The following LAMB2 variants were observed in gnomAD, a reference collection of about 807,000 sequenced individuals.
LAMB2 encodes the protein laminin subunit beta-2.
A neutral mutation model predicts 202.7 loss-of-function variants in LAMB2; 119 were observed. That is an observed-to-expected ratio of 0.59 (90% CI 0.51 to 0.68). The LOEUF is 0.68. Among genes scored for constraint, LAMB2 ranks in the 30% least tolerant of loss-of-function variants. LAMB2 has a pLI of 0.00. For synonymous variants in LAMB2, 818 were observed against 902.2 expected, an observed-to-expected ratio of 0.91 and a Z score of 1.67; for missense variants, 2,124 against 2,410.6, an observed-to-expected ratio of 0.88 and a Z score of 2.49.
rs1423710555 is a variant in LAMB2, at chr3:49,129,796, G to A, written c.1405+43C>T. ...CAGCTGAGTCAGGAGTAAGAGGACA[G>A]GGGTTAAAGGTCAGCATAGAAGTTA... is the stretch of plus-strand genomic sequence containing the variant. On this transcript the variant is annotated intron_variant, in intron 10 of 31. Transcript: ENST00000305544. This position sits in a 1 kb window ranked among gnomAD's most constrained non-coding sequence, Gnocchi z 6.1. The A allele has an allele frequency of 6.2e-6, 10 of 1,612,168 alleles. No homozygotes were observed. The highest frequency in any genetic ancestry group is 8.5e-6 in the Non-Finnish European group (10 of 1,178,560).
rs1282254030 is a variant in LAMB2, at chr3:49,130,292, G to C, written c.1164C>G (p.Leu388=). 1 of 1,614,210 alleles carries C rather than the reference G, an allele frequency of 6.2e-7. No homozygotes were observed. The highest frequency in any genetic ancestry group is 1.7e-5 in the Admixed American group (1 of 60,026). Reference sequence around the variant, plus strand: ...GGTCACGGTAGAAGAAGGGCCGACAGAGCTCACAGTGGCGCCCAGCTGTGT... The same window carrying C: ...GGTCACGGTAGAAGAAGGGCCGACACAGCTCACAGTGGCGCCCAGCTGTGT... The part of the protein sequence containing the change: ...QHNTAGRHCE[L]CRPFFYRDPT... Residue 388 remains leucine (L), a synonymous_variant, in exon 9 of 32, where the codon CTC becomes CTG. Coordinates refer to ENST00000305544, the MANE Select transcript of LAMB2 (RefSeq NM_002292.4). This position sits in a 1 kb window ranked among gnomAD's most constrained non-coding sequence, Gnocchi z 5.0.
Position 49,129,373 on chromosome 3 carries a change from T to C in LAMB2, c.1519-49A>G. On this transcript the variant is annotated intron_variant, in intron 11 of 31. Coordinates refer to ENST00000305544, the MANE Select transcript of LAMB2 (RefSeq NM_002292.4). The surrounding 1 kb of genome is among the most constrained non-coding windows in gnomAD (Gnocchi z 6.1). ...GCCAGAAACAGACCTCCAGACCCCA[T>C]CACCACCCAGCAGGAAATCCCAACC... is the stretch of plus-strand genomic sequence containing the variant. 3 of 1,521,966 alleles carry C rather than the reference T, an allele frequency of 2.0e-6. No homozygotes were observed. Among genetic ancestry groups the C allele is most frequent in the Non-Finnish European group, 2.7e-6 (3 of 1,103,326 alleles). 94.3% of individuals were successfully genotyped at this position (1,521,966 alleles called of 1,614,324 possible).
chr3:49,131,155 G>A lies in LAMB2; in HGVS notation c.713-3C>T, dbSNP rs775876911. The A allele has an allele frequency of 1.7e-5, 28 of 1,613,178 alleles. No individual in the cohort carries two copies. The Admixed American group carries it at 4.7e-4, about 27-fold the overall frequency. ...TAGGTTGGTGATCTTCAACAGGTCT[G>A]AGGCGGGGGAAGGGGGGCCAACTGA... On this transcript the variant is annotated splice_polypyrimidine_tract_variant and splice_region_variant and intron_variant, in intron 6 of 31. Transcript: ENST00000305544. This position sits in a 1 kb window ranked among gnomAD's most constrained non-coding sequence, Gnocchi z 5.0.
Position 49,130,147 on chromosome 3 carries a change from T to C in LAMB2, c.1225+84A>G. 1 of 1,593,150 alleles carries C rather than the reference T, an allele frequency of 6.3e-7. No individual in the cohort carries two copies. The highest frequency in any genetic ancestry group is 1.1e-5 in the South Asian group (1 of 90,186). On this transcript the variant is annotated intron_variant, in intron 9 of 31. Coordinates refer to ENST00000305544, the MANE Select transcript of LAMB2 (RefSeq NM_002292.4). The surrounding 1 kb of genome is among the most constrained non-coding windows in gnomAD (Gnocchi z 5.0). ...TCTATCCCAAGCCCCTAACCCCAAT[T>C]TCCTGCAATTTAGACAGCAGTCCAG...
In LAMB2 at chr3:49,130,087, G is replaced by C; in HGVS notation, c.1226-69C>G. On this transcript the variant is annotated intron_variant, in intron 9 of 31. Coordinates refer to ENST00000305544, the MANE Select transcript of LAMB2 (RefSeq NM_002292.4). The surrounding 1 kb of genome is among the most constrained non-coding windows in gnomAD (Gnocchi z 5.0). ...TAGCTCACTGCCAGTCCTCTCCTAA[G>C]CCTAAGGGATCCCACCCTGGATCCC... 1 of 1,589,522 alleles carries C rather than the reference G, an allele frequency of 6.3e-7. No individual in the cohort carries two copies. Among genetic ancestry groups the C allele is most frequent in the Non-Finnish European group, 8.6e-7 (1 of 1,158,534 alleles).
chr3:49,124,928 G>A lies in LAMB2; in HGVS notation c.2885-3C>T. 3 of 1,614,006 alleles carry A rather than the reference G, an allele frequency of 1.9e-6. No individual in the cohort carries two copies. Among genetic ancestry groups the A allele is most frequent in the Non-Finnish European group, 2.5e-6 (3 of 1,180,024 alleles). On this transcript the variant is annotated splice_region_variant and splice_polypyrimidine_tract_variant and intron_variant, in intron 20 of 31. Transcript: ENST00000305544. ...GGCACAAGCTTCACATCGCAGCCCT[G>A]CCCACGGTTAAGAGGAAGCTGTGAG...
In LAMB2 at chr3:49,121,566, C is replaced by A; in HGVS notation, c.5127G>T (p.Gln1709His). 6.2e-7 allele frequency: 1 copy of A among 1,614,026 alleles called. No homozygotes were observed. Among genetic ancestry groups the A allele is most frequent in the South Asian group, 1.1e-5 (1 of 91,086 alleles). Residue 1709 changes from glutamine (Q) to histidine (H), a missense_variant, in exon 31 of 32, where the codon CAG (glutamine) becomes CAT (histidine). Physicochemically the swap from Gln to His is conservative, Grantham distance 24. Transcript: ENST00000305544. ...CAGCTAGGGCCTTCACCGTCTGGTA[C>A]TGATCACCCAGAGGACCGCGTAGCA... is the stretch of plus-strand genomic sequence containing the variant. ...EQLLRGPLGD[Q>H]YQTVKALAER...
chr3:49,122,945 C>T lies in LAMB2; in HGVS notation c.4332G>A (p.Gly1444=), dbSNP rs1229573714. 5 of 1,608,976 alleles carry T rather than the reference C, an allele frequency of 3.1e-6. No individual in the cohort carries two copies. The highest frequency in any genetic ancestry group is 4.2e-6 in the Non-Finnish European group (5 of 1,179,950). The change falls in exon 27 of 32, where the codon GGG becomes GGA. Residue 1444 remains glycine (G), a synonymous_variant. Coordinates refer to ENST00000305544, the MANE Select transcript of LAMB2 (RefSeq NM_002292.4). ...QPRCGGLSCN[G]AAATADLALG... ...GTGCTAGGTCTGCTGTAGCCGCTGC[C>T]CCATTGCAGCTGAGGCCCCCACAGC...
In LAMB2 at chr3:49,125,338, A is replaced by T. The variant is rs1488914949; in HGVS notation, c.2635T>A (p.Cys879Ser). Residue 879 changes from cysteine (C) to serine (S), a missense_variant, in exon 19 of 32, where the codon TGC becomes AGC. Coordinates refer to ENST00000305544, the MANE Select transcript of LAMB2 (RefSeq NM_002292.4). ...WGFPSCRPCV[C>S]NGHADECNTH... ...TTGCACTCATCTGCATGCCCATTGC[A>T]GACACATGGCCGGCAGCTAGGGAAT... 2.5e-6 allele frequency: 4 copies of T among 1,614,090 alleles called. No individual in the cohort carries two copies. The highest frequency in any genetic ancestry group is 3.4e-6 in the Non-Finnish European group (4 of 1,180,042).
At position 49,130,944 on chromosome 3, in the gene LAMB2, C is replaced by T. The variant is rs2071677; in HGVS notation, c.915+6G>A. ...AGCCCTATCCCAACCGTCTGAAGCC[C>T]CTTACCATGCCCTCAGCATGGGCTG... On this transcript the variant is annotated splice_donor_region_variant and intron_variant, in intron 7 of 31. Transcript: ENST00000305544. This position sits in a 1 kb window ranked among gnomAD's most constrained non-coding sequence, Gnocchi z 5.0. The T allele has an allele frequency of 3.3e-4, 533 of 1,614,132 alleles. 9 individuals carry two copies. In the East Asian group the frequency reaches 0.012, roughly 35 times the overall value.
chr3:49,127,398 A>G (rs2045426535), intron 15 of LAMB2, among the ~76,000 whole-genome samples: 1 of 152,204 alleles, frequency 6.6e-6, no homozygotes, highest in Non-Finnish European at 1.5e-5. Flanking sequence ...TACATGGTCA[A>G]AAACTAAAAG....
Position 49,132,507 on chromosome 3 carries a change from A to G in LAMB2, c.233T>C (p.Ile78Thr). 6.2e-7 allele frequency: 1 copy of G among 1,613,920 alleles called. No individual in the cohort carries two copies. Among genetic ancestry groups the G allele is most frequent in the East Asian group, 2.2e-5 (1 of 44,878 alleles). Residue 78 changes from isoleucine to threonine, a missense_variant, in exon 2 of 32, where the codon ATC (isoleucine) becomes ACC (threonine). Transcript: ENST00000305544. This position sits in a 1 kb window ranked among gnomAD's most constrained non-coding sequence, Gnocchi z 4.6. ...CGLNGPQPYC[I>T]VSHLQDEKKC... Reference sequence around the variant, plus strand: ...CAGCCACACCTGCAGGTGACTGACGATGCAGTAGGGCTGGGGGCCATTCAG... The same window carrying G: ...CAGCCACACCTGCAGGTGACTGACGGTGCAGTAGGGCTGGGGGCCATTCAG...
rs746676662 is a variant in LAMB2, at chr3:49,128,706, C to A, written c.1845G>T (p.Val615=). Residue 615 remains valine (V), a synonymous_variant, in exon 14 of 32, where the codon GTG becomes GTT. Transcript: ENST00000305544. Reference sequence around the variant, plus strand: ...GCAGGTCATAGTCCATAGCCTTCGGCACAGAGGCCACCAGGAACTCCAGGG... The same window carrying A: ...GCAGGTCATAGTCCATAGCCTTCGGAACAGAGGCCACCAGGAACTCCAGGG... The part of the protein sequence containing the change: ...GQTLEFLVAS[V]PKAMDYDLLL... 2.5e-6 allele frequency: 4 copies of A among 1,614,180 alleles called. No homozygotes were observed. In the Admixed American group the frequency reaches 6.7e-5, roughly 27 times the overall value.
rs757315687 is a variant in LAMB2, at chr3:49,126,351, A to T, written c.2151+14T>A. On this transcript the variant is annotated intron_variant, in intron 16 of 31. Coordinates refer to ENST00000305544, the MANE Select transcript of LAMB2 (RefSeq NM_002292.4). ...TGCCATCTTGGTTGGTGTGGGCAAG[A>T]GGAGATTATTCACCGAGTCAATGAG... The T allele has an allele frequency of 6.2e-7, 1 of 1,614,148 alleles. No homozygotes were observed. Among genetic ancestry groups the T allele is most frequent in the Non-Finnish European group, 8.5e-7 (1 of 1,180,026 alleles).
In LAMB2 at chr3:49,122,779, C is replaced by G. The variant is rs1029156575; in HGVS notation, c.4498G>C (p.Ala1500Pro). 1 of 1,614,108 alleles carries G rather than the reference C, an allele frequency of 6.2e-7. No individual in the cohort carries two copies. The highest frequency in any genetic ancestry group is 1.6e-4 in the Middle Eastern group (1 of 6,062). The part of the protein sequence containing the change: ...RAQAALDKAN[A>P]SRGQVEQANQ... ...GCCTGTTCCACCTGTCCCCTGGAAGCATTAGCCTTGTCCAGGGCTGCCTGG... is the reference window on the plus strand; with the variant it reads ...GCCTGTTCCACCTGTCCCCTGGAAGGATTAGCCTTGTCCAGGGCTGCCTGG... The change falls in exon 27 of 32, where the codon GCT (alanine) becomes CCT (proline). Residue 1500 changes from alanine to proline, a missense_variant. By Grantham distance (27) the Ala-to-Pro change is conservative (BLOSUM62 -1). Around this residue, in one of 3 missense-constraint regions of LAMB2, gnomAD observed 1,702 missense variants for 1,896.3 expected, o/e 0.90. Coordinates refer to ENST00000305544, the MANE Select transcript of LAMB2 (RefSeq NM_002292.4).
Position 49,123,592 on chromosome 3 carries a change from G to C in LAMB2, c.3837C>G (p.Leu1279=), listed in dbSNP as rs775950352. 2 of 1,614,052 alleles carry C rather than the reference G, an allele frequency of 1.2e-6. No homozygotes were observed. The highest frequency in any genetic ancestry group is 1.7e-6 in the Non-Finnish European group (2 of 1,180,048). The part of the protein sequence containing the change: ...IGEATEHLTQ[L]EADLTDVQDE... ...CTTGCACATCTGTCAGGTCTGCCTC[G>C]AGCTGAGTCAGGTGCTCAGTGGCCT... Residue 1279 remains leucine (L), a synonymous_variant, in exon 25 of 32, where the codon CTC becomes CTG. Transcript: ENST00000305544.
intron 22 of LAMB2, 21 bp from the exon 23 acceptor site, chr3:49,124,307 G>T (rs1240174581): frequency 6.2e-7 from 1 of 1,613,756 alleles, no homozygotes; most frequent in Admixed American, 1.7e-5. Flanking sequence ...AACAAGGCAG[G>T]GTCAGAGCCT....
In LAMB2 at chr3:49,121,327, G is replaced by A; in HGVS notation, c.5296C>T (p.Leu1766=). The change falls in exon 32 of 32, where the codon CTG becomes TTG. Residue 1766 remains leucine, a synonymous_variant. Transcript: ENST00000305544. ...TCCAACTGGGCTGCCTTACTCTCCA[G>A]TGCCCGCTCATTTTCCTCATAGGTG... ...EGTYEENERA[L]ESKAAQLDGL... 1.9e-6 allele frequency: 3 copies of A among 1,613,972 alleles called. No individual in the cohort carries two copies. The highest frequency in any genetic ancestry group is 2.5e-6 in the Non-Finnish European group (3 of 1,180,038).
Position 49,123,571 on chromosome 3 carries a change from C to A in LAMB2, c.3858G>T (p.Val1286=), listed in dbSNP as rs34967349. Residue 1286 remains valine (V), a synonymous_variant, in exon 25 of 32, where the codon GTG becomes GTT. Coordinates refer to ENST00000305544, the MANE Select transcript of LAMB2 (RefSeq NM_002292.4). ...GGTTGGCATTGAAGTTCTCATCTTGCACATCTGTCAGGTCTGCCTCGAGCT... is the reference window on the plus strand; with the variant it reads ...GGTTGGCATTGAAGTTCTCATCTTGAACATCTGTCAGGTCTGCCTCGAGCT... The part of the protein sequence containing the change: ...LTQLEADLTD[V]QDENFNANHA... The A allele has an allele frequency of 4.7e-3, 7,588 of 1,614,190 alleles. 22 individuals are homozygous for A. Among genetic ancestry groups the A allele is most frequent in the Non-Finnish European group, 5.8e-3 (6,811 of 1,180,036 alleles).
Sources: allele counts gnomAD v4.1 joint callset (sites outside exome capture counted in the v4.1 genomes callset), GRCh38; gene constraint gnomAD v4.1.1; regional missense constraint gnomAD v4.1.1; non-coding constraint Gnocchi (gnomAD v3.1); transcripts MANE v1.5; gene names NCBI Gene and HGNC (gene_info 2026-07-23, HGNC 2026-07-21).